Variants in GRAMD1B observed in about 807,000 individuals in gnomAD.
GRAMD1B encodes protein Aster-B.
GRAMD1B carries 37 observed loss-of-function variants against 99.7 expected under a neutral mutation model. The observed-to-expected ratio is 0.37, with a 90% CI of 0.29 to 0.49. The LOEUF (loss-of-function observed/expected upper bound fraction) is 0.49. Ranked by LOEUF, GRAMD1B falls within the 20% of genes least tolerant of loss-of-function variation. GRAMD1B has a pLI of 0.98. For synonymous variants in GRAMD1B, 427 were observed against 387.6 expected, an observed-to-expected ratio of 1.10 and a Z score of -1.19; for missense variants, 888 against 1,009.2, an observed-to-expected ratio of 0.88 and a Z score of 1.63.
intron 19 of GRAMD1B, among the ~76,000 whole-genome samples, chr11:123,621,619 G>A (rs1955120537): frequency 1.3e-5 from 2 of 152,234 alleles, no homozygotes; most frequent in African/African-American, 2.4e-5. Context: ...TAGCAGACGG[G>A]TGACACTGGA....
intron 2 of GRAMD1B, among the ~76,000 whole-genome samples, chr11:123,515,396 G>A (rs547274900): frequency 6.6e-4 from 101 of 152,294 alleles, no homozygotes; most frequent in African/African-American, 2.2e-3. Context: ...AACCTGAAAC[G>A]TATTGAGTGC....
intron 7 of GRAMD1B, among the ~76,000 whole-genome samples, chr11:123,596,554 C>T (rs1951298494): frequency 6.6e-6 from 1 of 152,162 alleles, no homozygotes; most frequent in Non-Finnish European, 1.5e-5. Context: ...AAACTTTTCA[C>T]TAGAGCCTGA....
At chr11:123,484,663 G>A (rs561052103) in intron 2 of GRAMD1B, among the ~76,000 whole-genome samples, 10 of 152,082 alleles carry the variant, frequency 6.6e-5, no homozygotes, top group South Asian at 4.2e-4. Context: ...CCCTGTGACC[G>A]GCCCCCCCTC....
intron 3 of GRAMD1B, among the ~76,000 whole-genome samples, chr11:123,583,780 T>G (rs1949733313): frequency 6.6e-6 from 1 of 152,120 alleles, no homozygotes; most frequent in Non-Finnish European, 1.5e-5. Context: ...CCCCGACCAT[T>G]GCAGTTTAGG....
intron 16 of GRAMD1B, among the ~76,000 whole-genome samples, chr11:123,614,428 G>A (rs771151257): frequency 5.3e-5 from 8 of 152,194 alleles, no homozygotes; most frequent in African/African-American, 1.4e-4. Flanking sequence ...GAAGCCAGCC[G>A]TCTTTAGTCC....
intron 1 of GRAMD1B, among the ~76,000 whole-genome samples, chr11:123,412,341 T>C (rs922168381): frequency 6.6e-6 from 1 of 152,266 alleles, no homozygotes; most frequent in Non-Finnish European, 1.5e-5. Flanking sequence ...GTTGTGTGCC[T>C]ATCATGTGCA....
chr11:123,391,752 G>A (rs1312501808), intron 1 of GRAMD1B, among the ~76,000 whole-genome samples: 2 of 152,098 alleles, frequency 1.3e-5, no homozygotes, highest in African/African-American at 2.4e-5. Flanking sequence ...CACCACACCC[G>A]GCCAATTTTA....
At chr11:123,586,085 C>T (rs1950039934) in intron 4 of GRAMD1B, among the ~76,000 whole-genome samples, 1 of 152,160 alleles carries the variant, frequency 6.6e-6, no homozygotes, top group Non-Finnish European at 1.5e-5. Context: ...GCCATCCTTT[C>T]CCCCTGTTTC....
chr11:123,597,537 A>G (rs1951433373), intron 7 of GRAMD1B, among the ~76,000 whole-genome samples: 1 of 152,086 alleles, frequency 6.6e-6, no homozygotes, highest in East Asian at 1.9e-4. Flanking sequence ...TCCTGGGGTA[A>G]TACTCATTCA....
At chr11:123,561,066 G>T (rs563128895) in intron 2 of GRAMD1B, among the ~76,000 whole-genome samples, 1 of 152,276 alleles carries the variant, frequency 6.6e-6, no homozygotes, top group South Asian at 2.1e-4. Flanking sequence ...CGGAGGGGTG[G>T]CCCTGGGGTG....
At position 123,591,105 on chromosome 11, in the gene GRAMD1B, C is replaced by T. The variant is rs1326123865; in HGVS notation, c.685-2977C>T. ...CACCACCTCTGGGCTACTCTCTGCC[C>T]GTGGACCAGCCGAGAAGAAAGCAGA... is the stretch of plus-strand genomic sequence containing the variant. On this transcript the variant is annotated intron_variant, in intron 4 of 19. Coordinates refer to ENST00000635736, the MANE Select transcript of GRAMD1B (RefSeq NM_001387025.1). This position sits in a 1 kb window ranked among gnomAD's most constrained non-coding sequence, Gnocchi z 4.7. 7 of 247,786 alleles carry T rather than the reference C, an allele frequency of 2.8e-5. No individual in the cohort carries two copies. Among genetic ancestry groups the T allele is most frequent in the African/African-American group, 4.5e-5 (2 of 44,940 alleles). The allele number at this position is 247,786 out of a possible 1,614,324, so 15.3% of individuals were successfully genotyped here. A position where few individuals can be genotyped will look rare whatever the true frequency, so the allele number is the denominator to read the frequency against.
chr11:123,369,794 C>T (rs546082822), intron 1 of GRAMD1B, among the ~76,000 whole-genome samples: 279 of 151,882 alleles, frequency 1.8e-3, no homozygotes, highest in Admixed American at 5.0e-3. Flanking sequence ...ATCCCTTGAG[C>T]CTGGGAGGCT....
chr11:123,523,099 A>T (rs1942355494), intron 2 of GRAMD1B, among the ~76,000 whole-genome samples: 1 of 152,196 alleles, frequency 6.6e-6, no homozygotes, highest in Non-Finnish European at 1.5e-5. Context: ...TGGGAGGCCG[A>T]GGTGGGCGAA....
At chr11:123,493,960 C>G (rs1314046836) in intron 2 of GRAMD1B, among the ~76,000 whole-genome samples, 1 of 152,154 alleles carries the variant, frequency 6.6e-6, no homozygotes, top group African/African-American at 2.4e-5. Flanking sequence ...TAGGGTTTCT[C>G]TCCCTCACTT....
chr11:123,507,409 A>G (rs1482081670), intron 2 of GRAMD1B, among the ~76,000 whole-genome samples: 1 of 152,232 alleles, frequency 6.6e-6, no homozygotes, highest in Non-Finnish European at 1.5e-5. Flanking sequence ...AAAGAAAACC[A>G]TCTATTAGCC....
At chr11:123,435,694 T>C in intron 1 of GRAMD1B, 1 of 422,722 alleles carries the variant, frequency 2.4e-6, no homozygotes. Flanking sequence ...AGTAAATAAA[T>C]GATTCCTTTT....
At chr11:123,456,819 C>A (rs1591581592) in intron 1 of GRAMD1B, among the ~76,000 whole-genome samples, 1 of 150,024 alleles carries the variant, frequency 6.7e-6, no homozygotes, top group East Asian at 2.0e-4. Flanking sequence ...ACTGTGGAGG[C>A]TGAGGCAGGA....
Position 123,480,900 on chromosome 11 carries a change from TCCAACTC to T in GRAMD1B, c.452+9_452+15del. 2.7e-6 allele frequency: 1 copy of T among 375,754 alleles called. No individual in the cohort carries two copies. 23.3% of individuals were successfully genotyped at this position (375,754 alleles called of 1,614,324 possible). The stretch of plus-strand genomic sequence containing the variant: ...CTCGAGCGCGGGAAGAAAGGTAAGG[TCCAACTC>T]CGAGGGCGAGATGGGGGCAAAGAAT... On this transcript the variant is annotated splice_region_variant and intron_variant, in intron 2 of 19. Transcript: ENST00000635736.
rs1435538267 is a variant in GRAMD1B at position 123,577,492 on chromosome 11, C to T, written c.578C>T (p.Ser193Leu). ...GTGGAGAAGGGCTCAGATCACTCCT[C>T]GGACAAGTCCCCGTCCACACCGGAG... ...TMVEKGSDHS[S>L]DKSPSTPEQG... Residue 193 changes from serine (S) to leucine (L), a missense_variant, in exon 3 of 20, where the codon TCG (serine) becomes TTG (leucine). Ser to Leu is a moderately radical substitution (Grantham distance 145). Transcript: ENST00000635736. 1.9e-6 allele frequency: 3 copies of T among 1,603,312 alleles called. No homozygotes were observed. The highest frequency in any genetic ancestry group is 2.3e-5 in the East Asian group (1 of 44,182).
Sources: gnomAD v4.1 joint callset for allele counts (sites outside exome capture counted in the v4.1 genomes callset) on GRCh38, gnomAD v4.1.1 for gene constraint, Gnocchi (gnomAD v3.1) non-coding constraint, MANE v1.5 for transcripts, NCBI Gene and HGNC (gene_info 2026-07-23, HGNC 2026-07-21) for gene names.